The following MCC variants were observed in gnomAD, a reference collection of about 807,000 sequenced individuals.
The protein encoded by MCC is MCC regulator of Wnt signaling pathway.
MCC carries 90 observed loss-of-function variants against 116.2 expected under a neutral mutation model. That is an observed-to-expected ratio of 0.77 (90% CI 0.65 to 0.92). MCC has a LOEUF of 0.92. Among genes scored for constraint, MCC ranks in the 40% least tolerant of loss-of-function variants. The pLI is 0.00. For synonymous variants in MCC, 578 were observed against 510.5 expected, an observed-to-expected ratio of 1.13 and a Z score of -1.78; for missense variants, 1,516 against 1,312.2, an observed-to-expected ratio of 1.16 and a Z score of -2.40.
chr5:113,469,758 A>T (rs1337006898), intron 1 of MCC, among the ~76,000 whole-genome samples: 1 of 152,114 alleles, frequency 6.6e-6, no homozygotes, highest in African/African-American at 2.4e-5. Flanking sequence ...TGTCTCGTTG[A>T]TCTGTCTAAT....
intron 3 of MCC, among the ~76,000 whole-genome samples, chr5:113,333,903 A>G (rs1266781836): frequency 2.7e-5 from 2 of 73,594 alleles, no homozygotes; most frequent in South Asian, 6.2e-4. Context: ...ATATCTATAT[A>G]AATACATTAT....
chr5:113,288,582 C>T (rs565148037), intron 3 of MCC, among the ~76,000 whole-genome samples: 1 of 152,340 alleles, frequency 6.6e-6, no homozygotes, highest in East Asian at 1.9e-4. Flanking sequence ...TATCCCTTTA[C>T]TCTAATCATA....
At chr5:113,431,253 G>C (rs548942076) in intron 1 of MCC, among the ~76,000 whole-genome samples, 1 of 152,264 alleles carries the variant, frequency 6.6e-6, no homozygotes, top group Admixed American at 6.5e-5. Context: ...AGGTGTATTA[G>C]TTTGCTAGGG....
chr5:113,064,712 C>T (rs1053602311), intron 13 of MCC, among the ~76,000 whole-genome samples: 1 of 152,168 alleles, frequency 6.6e-6, no homozygotes, highest in Non-Finnish European at 1.5e-5. Context: ...CACCCCTGAC[C>T]CTTCTCTTGG....
intron 5 of MCC, among the ~76,000 whole-genome samples, chr5:113,132,427 C>CACACATATATATATATAT (rs1758501184): frequency 9.3e-6 from 1 of 107,340 alleles, no homozygotes; most frequent in African/African-American, 4.2e-5. Flanking sequence ...TACACACATA[C>CACACATATATATATATAT]ATATATATAT....
chr5:113,363,234 G>A (rs528435058), intron 2 of MCC, among the ~76,000 whole-genome samples: 79 of 152,260 alleles, frequency 5.2e-4, no homozygotes, highest in Admixed American at 2.2e-3. Context: ...CCGAGATCAC[G>A]CCACAGCATT....
chr5:113,145,679 C>A (rs1024356898), intron 4 of MCC, among the ~76,000 whole-genome samples: 8 of 151,848 alleles, frequency 5.3e-5, no homozygotes, highest in African/African-American at 1.9e-4. Context: ...AACCAGCAGC[C>A]CTCGCTGCTG....
chr5:113,252,148 G>T (rs142320858), intron 3 of MCC, among the ~76,000 whole-genome samples: 25 of 152,186 alleles, frequency 1.6e-4, no homozygotes, highest in Non-Finnish European at 3.4e-4. Context: ...CTTCTTAGTG[G>T]AATTATCTTG....
At chr5:113,070,221 C>T (rs1038994719) in intron 12 of MCC, among the ~76,000 whole-genome samples, 7 of 152,068 alleles carry the variant, frequency 4.6e-5, no homozygotes, top group East Asian at 1.9e-4. Flanking sequence ...TAAACAATAC[C>T]GAACTTTTTA....
At chr5:113,372,221 A>G (rs988088606) in intron 2 of MCC, among the ~76,000 whole-genome samples, 2 of 152,228 alleles carry the variant, frequency 1.3e-5, no homozygotes, top group South Asian at 2.1e-4. Context: ...GTTTATGCTG[A>G]CTAAAATGAA....
Position 113,088,514 on chromosome 5 carries a change from G to A in MCC, c.1399-3204C>T, listed in dbSNP as rs140852314. Among the ~76,000 whole-genome samples, 23 of 151,480 alleles carry A rather than the reference G, an allele frequency of 1.5e-4. No homozygotes were observed. In the East Asian group the frequency reaches 4.5e-3, roughly 29 times the overall value. On this transcript the variant is annotated intron_variant, in intron 8 of 18. Coordinates refer to ENST00000408903, the MANE Select transcript of MCC (RefSeq NM_001085377.2). ...ATATAACTAAATTAACGATCTCAAG[G>A]CAAGATAATCTGATTTGGGTGGGCC...
chr5:113,391,510 T>C (rs1769400181), intron 1 of MCC, among the ~76,000 whole-genome samples: 1 of 151,534 alleles, frequency 6.6e-6, no homozygotes, highest in Non-Finnish European at 1.5e-5. Flanking sequence ...AAGCCAGGAG[T>C]TCGAAACTAG....
At chr5:113,344,742 C>T (rs145633059) in intron 2 of MCC, among the ~76,000 whole-genome samples, 1 of 151,918 alleles carries the variant, frequency 6.6e-6, no homozygotes, top group African/African-American at 2.4e-5. Flanking sequence ...GATTCATCAC[C>T]TGCTGACTAA....
chr5:113,455,321 C>CT (rs1329935684), intron 1 of MCC, among the ~76,000 whole-genome samples: 1 of 152,208 alleles, frequency 6.6e-6, no homozygotes, highest in East Asian at 1.9e-4. Context: ...ATGTCTGTCC[C>CT]TTACTAGAGT....
intron 9 of MCC, 23 bp downstream of exon 9, chr5:113,085,141 C>T (rs748363966): frequency 7.4e-6 from 12 of 1,613,840 alleles, no homozygotes; most frequent in East Asian, 2.2e-5. Context: ...TCCCGCTCAT[C>T]GGGTCCATCC....
At chr5:113,272,648 G>A (rs1765658504) in intron 3 of MCC, among the ~76,000 whole-genome samples, 1 of 152,040 alleles carries the variant, frequency 6.6e-6, no homozygotes, top group African/African-American at 2.4e-5. Flanking sequence ...CCTAGAAACA[G>A]GAATAAGCTC....
At chr5:113,373,364 TA>T (rs200066580) in intron 2 of MCC, among the ~76,000 whole-genome samples, 1,654 of 151,164 alleles carry the variant, frequency 0.011, 32 homozygotes, top group African/African-American at 0.037. Flanking sequence ...AAGTTTGCAC[TA>T]AAAAAAAATT....
chr5:113,314,596 T>C (rs1350786962), intron 3 of MCC, among the ~76,000 whole-genome samples: 1 of 152,192 alleles, frequency 6.6e-6, no homozygotes, highest in East Asian at 1.9e-4. Context: ...ATTTTTATTT[T>C]TATTTTTCTG....
chr5:113,064,821 G>T (rs1416558382), intron 13 of MCC, among the ~76,000 whole-genome samples: 1 of 152,200 alleles, frequency 6.6e-6, no homozygotes, highest in Non-Finnish European at 1.5e-5. Flanking sequence ...ACCAGGCAGT[G>T]AAGTCCCTGC....
Sources: allele counts gnomAD v4.1 joint callset (sites outside exome capture counted in the v4.1 genomes callset), GRCh38; gene constraint gnomAD v4.1.1; transcripts MANE v1.5; gene names NCBI Gene and HGNC (gene_info 2026-07-23, HGNC 2026-07-21).